The following SGCZ variants were observed in gnomAD, a reference collection of about 807,000 sequenced individuals.
SGCZ encodes the protein sarcoglycan zeta.
Under a neutral mutation model 41.3 loss-of-function variants are expected in SGCZ, and 40 were observed. The observed-to-expected ratio is 0.97, with a 90% confidence interval of 0.75 to 1.26. SGCZ has a LOEUF of 1.26. SGCZ is among the 50% of genes most tolerant of loss of function. The probability of loss-of-function intolerance (pLI) is 0.00; values close to 1 mark genes in which losing one functional copy is unlikely to be tolerated. For missense variants in SGCZ, 552 were observed against 369.8 expected, an observed-to-expected ratio of 1.49 and a Z score of -4.04; for synonymous variants, 206 against 137.5, an observed-to-expected ratio of 1.50 and a Z score of -3.49.
At chr8:14,551,584 T>C (rs886800950) in intron 2 of SGCZ, among the ~76,000 whole-genome samples, 1 of 45,112 alleles carries the variant, frequency 2.2e-5, no homozygotes, top group African/African-American at 1.1e-4. Flanking sequence ...ATATATAATA[T>C]ATATAATATA....
chr8:15,157,170 A>G (rs190104138), intron 1 of SGCZ, among the ~76,000 whole-genome samples: 1 of 152,268 alleles, frequency 6.6e-6, no homozygotes, highest in Admixed American at 6.5e-5. Flanking sequence ...TATTACATAC[A>G]TAGATGATGA....
chr8:14,349,454 A>G (rs1449453970), intron 2 of SGCZ, among the ~76,000 whole-genome samples: 2 of 150,790 alleles, frequency 1.3e-5, no homozygotes, highest in Middle Eastern at 3.2e-3. Flanking sequence ...CTATGTCAAC[A>G]TGGGATTTTC....
At chr8:14,817,799 C>T (rs533714694) in intron 1 of SGCZ, among the ~76,000 whole-genome samples, 1 of 152,136 alleles carries the variant, frequency 6.6e-6, no homozygotes, top group African/African-American at 2.4e-5. Flanking sequence ...ACCTGGCAAA[C>T]CAGCACACAG....
At chr8:14,785,920 C>T (rs529503392) in intron 1 of SGCZ, among the ~76,000 whole-genome samples, 19 of 150,160 alleles carry the variant, frequency 1.3e-4, no homozygotes, top group African/African-American at 3.9e-4. Context: ...TTTTTTTTTT[C>T]TACTCCCAGA....
chr8:15,230,824 C>G (rs569551439), intron 1 of SGCZ, among the ~76,000 whole-genome samples: 1 of 152,250 alleles, frequency 6.6e-6, no homozygotes, highest in Admixed American at 6.5e-5. Context: ...AGACATTGGA[C>G]AAATTCTTCA....
intron 1 of SGCZ, among the ~76,000 whole-genome samples, chr8:15,130,402 G>C (rs904938015): frequency 3.3e-5 from 5 of 152,158 alleles, no homozygotes; most frequent in Non-Finnish European, 7.3e-5. Context: ...GCACTAAAAA[G>C]AAATGCAAAT....
At chr8:14,465,782 C>A (rs1171882766) in intron 2 of SGCZ, among the ~76,000 whole-genome samples, 2 of 151,606 alleles carry the variant, frequency 1.3e-5, no homozygotes, top group African/African-American at 4.8e-5. Flanking sequence ...CTTTTGATGC[C>A]TCTGTCTCCA....
chr8:14,206,529 C>T (rs1405622228), intron 4 of SGCZ, among the ~76,000 whole-genome samples: 1 of 152,100 alleles, frequency 6.6e-6, no homozygotes, highest in African/African-American at 2.4e-5. Flanking sequence ...CATTTGAAAT[C>T]CTGCTTTGCT....
intron 4 of SGCZ, among the ~76,000 whole-genome samples, chr8:14,226,589 T>G (rs985367168): frequency 4.6e-5 from 7 of 152,130 alleles, no homozygotes; most frequent in East Asian, 3.9e-4. Context: ...GCACAGTGCA[T>G]TCATCCATTC....
intron 1 of SGCZ, among the ~76,000 whole-genome samples, chr8:14,574,496 G>T (rs1000755619): frequency 6.6e-6 from 1 of 152,182 alleles, no homozygotes; most frequent in Non-Finnish European, 1.5e-5. Context: ...CAGGGAAGAA[G>T]AAATGCTCTA....
intron 4 of SGCZ, among the ~76,000 whole-genome samples, chr8:14,222,211 C>G (rs182901612): frequency 2.6e-3 from 390 of 152,086 alleles, no homozygotes; most frequent in Non-Finnish European, 4.7e-3. Context: ...TGCTCTGTTG[C>G]TCAGGCTGGA....
At chr8:14,246,734 C>T (rs1799106508) in intron 3 of SGCZ, among the ~76,000 whole-genome samples, 1 of 151,482 alleles carries the variant, frequency 6.6e-6, no homozygotes, top group South Asian at 2.1e-4. Context: ...GGTGAAACTC[C>T]GTCTCTACTA....
chr8:14,735,335 T>C (rs1798995232), intron 1 of SGCZ, among the ~76,000 whole-genome samples: 1 of 152,196 alleles, frequency 6.6e-6, no homozygotes, highest in African/African-American at 2.4e-5. Context: ...ACTCTCGATG[T>C]GGGTGGGCAC....
intron 5 of SGCZ, among the ~76,000 whole-genome samples, chr8:14,128,154 A>C (rs949288894): frequency 6.6e-6 from 1 of 152,208 alleles, no homozygotes; most frequent in African/African-American, 2.4e-5. Context: ...AAACTATTTC[A>C]ACCATTGTGG....
chr8:14,484,674 TA>T (rs1801625495), intron 2 of SGCZ, among the ~76,000 whole-genome samples: 1 of 152,204 alleles, frequency 6.6e-6, no homozygotes, highest in Non-Finnish European at 1.5e-5. Context: ...AAGATGGGAA[TA>T]TTATATTTAA....
At chr8:14,743,259 T>C (rs1799246324) in intron 1 of SGCZ, among the ~76,000 whole-genome samples, 1 of 152,030 alleles carries the variant, frequency 6.6e-6, no homozygotes, top group Admixed American at 6.6e-5. Flanking sequence ...TATTTTACCT[T>C]TATTACTGAA....
intron 1 of SGCZ, among the ~76,000 whole-genome samples, chr8:14,719,756 C>A (rs1173108623): frequency 6.6e-6 from 1 of 151,448 alleles, no homozygotes; most frequent in East Asian, 2.0e-4. Context: ...AGATATTAGC[C>A]CTTTGTCAGA....
chr8:14,776,361 ACT>A (rs1211069184), intron 1 of SGCZ, among the ~76,000 whole-genome samples: 15 of 151,438 alleles, frequency 9.9e-5, no homozygotes, highest in African/African-American at 3.6e-4. Context: ...CCCTGCACAC[ACT>A]CTCTTGCCTG....
chr8:14,547,283 C>A, intron 2 of SGCZ, among the ~76,000 whole-genome samples: 1 of 152,112 alleles, frequency 6.6e-6, no homozygotes, highest in African/African-American at 2.4e-5. Flanking sequence ...AAGATTAGCT[C>A]GCTCTGACAA....
Sources: allele counts gnomAD v4.1 joint callset (sites outside exome capture counted in the v4.1 genomes callset), GRCh38; gene constraint gnomAD v4.1.1; transcripts MANE v1.5; gene names NCBI Gene and HGNC (gene_info 2026-07-23, HGNC 2026-07-21).